SYN3: variants seen among roughly 807,000 people sequenced by gnomAD.
The protein encoded by SYN3 is synapsin-3.
Under a neutral mutation model 65.8 loss-of-function variants are expected in SYN3, and 35 were observed. The observed-to-expected ratio is 0.53, with a 90% CI of 0.41 to 0.70. The LOEUF (loss-of-function observed/expected upper bound fraction) is 0.70, where lower values mean the gene tolerates loss of function less well. Ranked by LOEUF, SYN3 falls within the 30% of genes least tolerant of loss-of-function variation. SYN3 has a pLI of 0.00. For missense variants in SYN3, 680 were observed against 749.0 expected, an observed-to-expected ratio of 0.91 and a Z score of 1.08; for synonymous variants, 270 against 292.9, an observed-to-expected ratio of 0.92 and a Z score of 0.80.
At chr22:32,586,762 T>C (rs935594120) in intron 7 of SYN3, among the ~76,000 whole-genome samples, 1 of 152,094 alleles carries the variant, frequency 6.6e-6, no homozygotes, top group East Asian at 1.9e-4. Flanking sequence ...AGTAGATGAA[T>C]TGGCAAACAT....
chr22:32,910,097 GCA>G (rs1323562562), intron 4 of SYN3, among the ~76,000 whole-genome samples: 2 of 152,066 alleles, frequency 1.3e-5, no homozygotes, highest in South Asian at 2.1e-4. Flanking sequence ...CTCTGCCCTG[GCA>G]CAGTCTCCAA....
chr22:32,673,437 A>C (rs1207222922), intron 6 of SYN3, among the ~76,000 whole-genome samples: 1 of 152,220 alleles, frequency 6.6e-6, no homozygotes, highest in Non-Finnish European at 1.5e-5. Flanking sequence ...TTGCTCATGG[A>C]TGAAACGACC....
At chr22:32,736,000 C>A (rs771306607) in intron 6 of SYN3, among the ~76,000 whole-genome samples, 6 of 152,180 alleles carry the variant, frequency 3.9e-5, no homozygotes, top group Non-Finnish European at 7.3e-5. Flanking sequence ...GAGGAGGGGG[C>A]CATGCCTGGC....
At chr22:32,672,868 AAG>A (rs1286053894) in intron 6 of SYN3, among the ~76,000 whole-genome samples, 1 of 152,194 alleles carries the variant, frequency 6.6e-6, no homozygotes, top group Non-Finnish European at 1.5e-5. Flanking sequence ...TGGCGAGAGA[AAG>A]AGAGCTTTGT....
chr22:32,781,441 T>C (rs1212557128), intron 6 of SYN3, among the ~76,000 whole-genome samples: 1 of 152,106 alleles, frequency 6.6e-6, no homozygotes, highest in Non-Finnish European at 1.5e-5. Flanking sequence ...ACCAATAGGC[T>C]ACATGGCCTT....
chr22:32,928,557 A>G lies in SYN3; in HGVS notation c.461+2833T>C, dbSNP rs368396606. On this transcript the variant is annotated intron_variant, in intron 4 of 13. Transcript: ENST00000358763. ...TGCATCATCACAAAGTCAAAAAATCATAAGTCAAACCATTGTAAATTGGGG... is the reference window on the plus strand; with the variant it reads ...TGCATCATCACAAAGTCAAAAAATCGTAAGTCAAACCATTGTAAATTGGGG... Among the ~76,000 whole-genome samples, 71 of 152,334 alleles carry G rather than the reference A, an allele frequency of 4.7e-4. 1 individual carries two copies. The highest frequency in any genetic ancestry group is 2.7e-3 in the South Asian group (13 of 4,824).
chr22:32,803,130 G>T (rs2046635025), intron 6 of SYN3, among the ~76,000 whole-genome samples: 1 of 152,158 alleles, frequency 6.6e-6, no homozygotes, highest in African/African-American at 2.4e-5. Flanking sequence ...AAGCGTGCAA[G>T]TCCAGTGGCT....
intron 6 of SYN3, among the ~76,000 whole-genome samples, chr22:32,608,761 T>C (rs566110957): frequency 2.8e-4 from 42 of 152,180 alleles, no homozygotes; most frequent in Non-Finnish European, 4.4e-4. Flanking sequence ...GCTTTACCTA[T>C]AAATGGGAAT....
chr22:32,641,264 G>T (rs1024199985), intron 6 of SYN3, among the ~76,000 whole-genome samples: 4 of 152,116 alleles, frequency 2.6e-5, no homozygotes, highest in Non-Finnish European at 5.9e-5. Context: ...GGAGTTCAAG[G>T]CTCTGCAACT....
chr22:32,730,804 C>T (rs1317735898), intron 6 of SYN3, among the ~76,000 whole-genome samples: 1 of 152,216 alleles, frequency 6.6e-6, no homozygotes, highest in African/African-American at 2.4e-5. Context: ...CTACCCAACA[C>T]ATCACTTGCC....
At chr22:33,047,208 C>T (rs964136693) in intron 1 of SYN3, among the ~76,000 whole-genome samples, 6 of 152,082 alleles carry the variant, frequency 3.9e-5, no homozygotes, top group African/African-American at 1.4e-4. Context: ...TATTTTCTAC[C>T]TTTCCTCTGA....
intron 6 of SYN3, among the ~76,000 whole-genome samples, chr22:32,709,482 A>C (rs549820006): frequency 6.6e-6 from 1 of 152,374 alleles, no homozygotes; most frequent in South Asian, 2.1e-4. Context: ...AACCAGAACA[A>C]AATTGGAAAA....
chr22:32,883,030 C>T (rs933625971), intron 4 of SYN3, among the ~76,000 whole-genome samples: 5 of 152,042 alleles, frequency 3.3e-5, no homozygotes, highest in Admixed American at 6.5e-5. Flanking sequence ...ACTCCACCAG[C>T]GAGTGGTGAT....
At chr22:32,760,469 G>A (rs2045448100) in intron 6 of SYN3, among the ~76,000 whole-genome samples, 1 of 152,154 alleles carries the variant, frequency 6.6e-6, no homozygotes, top group African/African-American at 2.4e-5. Context: ...GAGATGGTAA[G>A]TAATGTCATG....
At chr22:32,978,933 C>T (rs910642492) in intron 3 of SYN3, among the ~76,000 whole-genome samples, 1 of 152,110 alleles carries the variant, frequency 6.6e-6, no homozygotes, top group African/African-American at 2.4e-5. Flanking sequence ...AATCCCAGAA[C>T]TTTAGGAGAC....
chr22:32,786,529 A>T lies in SYN3; in HGVS notation c.711+78386T>A, dbSNP rs1303391301. On this transcript the variant is annotated intron_variant, in intron 6 of 13. Transcript: ENST00000358763. ...AGGTGCCCGCCACCACGCCCGGCAA[A>T]TTTTTTGTATTTTTCATAGAGATGG... Among the ~76,000 whole-genome samples, 5 of 150,164 alleles carry T rather than the reference A, an allele frequency of 3.3e-5. No individual in the cohort carries two copies. The South Asian group carries it at 6.4e-4, about 19-fold the overall frequency.
At chr22:32,754,634 G>A (rs1184352834) in intron 6 of SYN3, among the ~76,000 whole-genome samples, 2 of 152,108 alleles carry the variant, frequency 1.3e-5, no homozygotes, top group Admixed American at 6.5e-5. Flanking sequence ...CCTCCACCCG[G>A]CTCCCCCTTC....
intron 3 of SYN3, among the ~76,000 whole-genome samples, chr22:32,971,386 C>G (rs1320439397): frequency 2.0e-5 from 3 of 152,138 alleles, no homozygotes; most frequent in Non-Finnish European, 4.4e-5. Context: ...AACAGAACAT[C>G]TGAGGTCAGG....
chr22:33,015,621 A>G (rs1368614275), intron 1 of SYN3, among the ~76,000 whole-genome samples: 1 of 152,224 alleles, frequency 6.6e-6, no homozygotes, highest in African/African-American at 2.4e-5. Flanking sequence ...ACTTCTGTTC[A>G]TACTGAGAGA....
Sources: allele counts gnomAD v4.1 joint callset (sites outside exome capture counted in the v4.1 genomes callset), GRCh38; gene constraint gnomAD v4.1.1; transcripts MANE v1.5; gene names NCBI Gene and HGNC (gene_info 2026-07-23, HGNC 2026-07-21).